The following CARD14 variants were observed in gnomAD, a reference collection of about 807,000 sequenced individuals.
The protein encoded by CARD14 is caspase recruitment domain family member 14.
CARD14 carries 107 observed loss-of-function variants against 111.5 expected under a neutral mutation model. The ratio of observed to expected loss-of-function variants is 0.96; its 90% CI spans 0.82 to 1.13. The LOEUF (loss-of-function observed/expected upper bound fraction) is 1.13. Ranked by LOEUF, CARD14 falls within the 50% of genes most tolerant of loss-of-function variation. The pLI is 0.00. For missense variants in CARD14, 1,322 were observed against 1,362.3 expected, an observed-to-expected ratio of 0.97 and a Z score of 0.47; for synonymous variants, 617 against 579.6, an observed-to-expected ratio of 1.06 and a Z score of -0.93.
At chr17:80,199,852 G>A (rs895085201) in intron 16 of CARD14, among the ~76,000 whole-genome samples, 5 of 152,036 alleles carry the variant, frequency 3.3e-5, no homozygotes, top group Non-Finnish European at 7.4e-5. Context: ...CTCCAGCCTG[G>A]GTGACAGAGT....
rs766589067 is a variant in CARD14, at chr17:80,192,456, C to T, written c.1240-47C>T. The T allele has an allele frequency of 3.0e-5, 45 of 1,492,418 alleles. No homozygotes were observed. The Admixed American group carries it at 5.8e-4, about 19-fold the overall frequency. 92.4% of individuals were successfully genotyped at this position (1,492,418 alleles called of 1,614,324 possible). On this transcript the variant is annotated intron_variant, in intron 11 of 23. Transcript: ENST00000648509. ...GGTAGAAACTCCACGGGCCTCAAAGCGGAACCTTTCCCGAATTAACCAGCC... is the reference window on the plus strand; with the variant it reads ...GGTAGAAACTCCACGGGCCTCAAAGTGGAACCTTTCCCGAATTAACCAGCC...
intron 5 of CARD14, among the ~76,000 whole-genome samples, 193 bp downstream of exon 5, chr17:80,181,842 T>G (rs1322629906): frequency 1.3e-5 from 2 of 152,178 alleles, no homozygotes; most frequent in Non-Finnish European, 2.9e-5. Context: ...GCAAAGGCCC[T>G]TTTCCCAAAA....
At chr17:80,173,821 A>G (rs1343474207) in intron 2 of CARD14, among the ~76,000 whole-genome samples, 3 of 151,840 alleles carry the variant, frequency 2.0e-5, no homozygotes, top group African/African-American at 4.8e-5. Flanking sequence ...CTGGTCTCGA[A>G]CTCCTGACCT....
intron 12 of CARD14, 28 bp downstream of exon 12, chr17:80,192,647 C>T: frequency 1.9e-6 from 3 of 1,558,352 alleles, no homozygotes; most frequent in Non-Finnish European, 2.6e-6. Context: ...GCCTCCCTCA[C>T]TGCCTTGACC....
At position 80,183,716 on chromosome 17, in the gene CARD14, G is replaced by A. The variant is rs2040244677; in HGVS notation, c.350-197G>A. On this transcript the variant is annotated intron_variant, in intron 6 of 23. Transcript: ENST00000648509. ...TGCCTCGGCCCACCGGCCCATCTGTGCACCTGCACACCTGCCCACATGCCC... is the reference window on the plus strand; with the variant it reads ...TGCCTCGGCCCACCGGCCCATCTGTACACCTGCACACCTGCCCACATGCCC... Among the ~76,000 whole-genome samples, 2 of 152,064 alleles carry A rather than the reference G, an allele frequency of 1.3e-5. 1 individual carries two copies. The highest frequency in any genetic ancestry group is 4.1e-4 in the South Asian group (2 of 4,828).
intron 4 of CARD14, among the ~76,000 whole-genome samples, chr17:80,181,197 G>T (rs1249609725): frequency 6.6e-6 from 1 of 152,170 alleles, no homozygotes; most frequent in African/African-American, 2.4e-5. Context: ...GGTAGAGCAG[G>T]TGGGGCCGTG....
In CARD14 at chr17:80,171,958, C is replaced by G. The variant is rs149651041; in HGVS notation, c.-689-948C>G. 1.1e-4 allele frequency among the ~76,000 whole-genome samples: 17 copies of G among 152,298 alleles called. No homozygotes were observed. In the East Asian group the frequency reaches 3.3e-3, roughly 29 times the overall value. Reference sequence around the variant, plus strand: ...CTGGACCCAGCCCCAGGAAGGCACCCGAGAAACCTGTAGTCCTCGGCTGAC... The same window carrying G: ...CTGGACCCAGCCCCAGGAAGGCACCGGAGAAACCTGTAGTCCTCGGCTGAC... On this transcript the variant is annotated intron_variant, in intron 1 of 23. Coordinates refer to ENST00000648509, the MANE Select transcript of CARD14 (RefSeq NM_001366385.1).
At position 80,189,469 on chromosome 17, in the gene CARD14, C is replaced by T. The variant is rs1489491026; in HGVS notation, c.844-284C>T. 6.6e-6 allele frequency among the ~76,000 whole-genome samples: 1 copy of T among 152,138 alleles called. No individual in the cohort carries two copies. The highest frequency in any genetic ancestry group is 1.5e-5 in the Non-Finnish European group (1 of 68,030). ...GGTTTCTCCCTCGCTGTGAAACTGC[C>T]GGTAGATCTGTTGAAGGAGAAGGCT... On this transcript the variant is annotated intron_variant, in intron 8 of 23. Coordinates refer to ENST00000648509, the MANE Select transcript of CARD14 (RefSeq NM_001366385.1). This position sits in a 1 kb window ranked among gnomAD's most constrained non-coding sequence, Gnocchi z 4.7.
intron 4 of CARD14, among the ~76,000 whole-genome samples, chr17:80,180,444 C>T (rs746322002): frequency 2.6e-5 from 4 of 152,206 alleles, no homozygotes; most frequent in African/African-American, 4.8e-5. Context: ...GTGTCTTCTG[C>T]GAGGCACTTG....
chr17:80,197,543 A>AAAAAAGAAAG (rs1555614391), intron 14 of CARD14: 2 of 143,990 alleles, frequency 1.4e-5, no homozygotes, highest in Admixed American at 6.8e-5. Context: ...AAAAAAAAAA[A>AAAAAAGAAAG]AAAGAAAGAA....
Position 80,192,634 on chromosome 17 carries a change from C to G in CARD14, c.1356+15C>G, listed in dbSNP as rs771496026. 7 of 1,592,826 alleles carry G rather than the reference C, an allele frequency of 4.4e-6. No homozygotes were observed. The highest frequency in any genetic ancestry group is 4.5e-5 in the East Asian group (2 of 44,678). On this transcript the variant is annotated intron_variant, in intron 12 of 23. Transcript: ENST00000648509. The stretch of plus-strand genomic sequence containing the variant: ...GCTCCACAGAGGTACGGCCGCTCCT[C>G]CCGCCTCCCTCACTGCCTTGACCCT...
chr17:80,199,740 A>T (rs1386331318), intron 16 of CARD14, among the ~76,000 whole-genome samples: 1 of 147,100 alleles, frequency 6.8e-6, no homozygotes, highest in Non-Finnish European at 1.5e-5. Flanking sequence ...AAAAAAAAAA[A>T]TAGCTGGTAT....
chr17:80,173,321 C>T (rs2039949963), intron 2 of CARD14, 93 bp downstream of exon 2: 3 of 79,314 alleles, frequency 3.8e-5, no homozygotes, highest in African/African-American at 1.3e-4. Context: ...CACACACACA[C>T]ACACGCGCGC....
rs754322294 is a variant in CARD14 at position 80,191,352 on chromosome 17, G to C, written c.1119G>C (p.Arg373Ser). ...QAYSARDSAQ[R>S]EISQSLVEKD... ...ACTCCGCGAGGGACAGTGCTCAGAG[G>C]GAGATTTCCCAGAGCCTGGTGGAGA... The change falls in exon 11 of 24, where the codon AGG becomes AGC. Residue 373 changes from arginine (R) to serine (S), a missense_variant. Physicochemically the swap from Arg to Ser is moderately radical, Grantham distance 110. Transcript: ENST00000648509. The C allele has an allele frequency of 4.3e-6, 7 of 1,613,948 alleles. No individual in the cohort carries two copies. The highest frequency in any genetic ancestry group is 5.9e-6 in the Non-Finnish European group (7 of 1,179,966).
Position 80,208,452 on chromosome 17 carries a change from T to G in CARD14, c.*107T>G. 2 of 1,054,774 alleles carry G rather than the reference T, an allele frequency of 1.9e-6. No homozygotes were observed. Among genetic ancestry groups the G allele is most frequent in the South Asian group, 1.8e-5 (1 of 56,818 alleles). 65.3% of individuals were successfully genotyped at this position (1,054,774 alleles called of 1,614,324 possible). A position where few individuals can be genotyped will look rare whatever the true frequency, so the allele number is the denominator to read the frequency against. On this transcript the variant is annotated 3_prime_UTR_variant, in exon 24 of 24. Transcript: ENST00000648509. ...GCACAGCTGTGGGCTCCTTGGCACA[T>G]GAGGCCGGCTCTCCCCACTGGCTGG...
intron 2 of CARD14, among the ~76,000 whole-genome samples, chr17:80,176,075 C>G (rs2040019948): frequency 6.9e-6 from 1 of 144,402 alleles, no homozygotes; most frequent in Non-Finnish European, 1.5e-5. Flanking sequence ...TTCCAAATTA[C>G]AGGCATGAGC....
rs763818218 is a variant in CARD14, at chr17:80,208,602, G to A, written c.*257G>A. ...TGGCATGGTCTGAACTGGAAACCCT[G>A]AGAATGTTTCTGCAGTGGGACAGGA... is the stretch of plus-strand genomic sequence containing the variant. On this transcript the variant is annotated 3_prime_UTR_variant, in exon 24 of 24. Transcript: ENST00000648509. 5 of 421,348 alleles carry A rather than the reference G, an allele frequency of 1.2e-5. No homozygotes were observed. Among genetic ancestry groups the A allele is most frequent in the Non-Finnish European group, 1.7e-5 (4 of 238,550 alleles). The allele number at this position is 421,348 out of a possible 1,614,324, so 26.1% of individuals were successfully genotyped here.
chr17:80,186,388 C>T (rs1481468162), intron 7 of CARD14, among the ~76,000 whole-genome samples: 2 of 152,204 alleles, frequency 1.3e-5, no homozygotes, highest in Admixed American at 6.5e-5. Context: ...ACCAATGGAA[C>T]CCTTCAACCA....
At chr17:80,175,260 G>A (rs962743639) in intron 2 of CARD14, among the ~76,000 whole-genome samples, 4 of 152,100 alleles carry the variant, frequency 2.6e-5, no homozygotes, top group Non-Finnish European at 5.9e-5. Context: ...TTGCAGGTGT[G>A]AGCCACCATG....
Sources: gnomAD v4.1 joint callset for allele counts (sites outside exome capture counted in the v4.1 genomes callset) on GRCh38, gnomAD v4.1.1 for gene constraint, Gnocchi (gnomAD v3.1) non-coding constraint, MANE v1.5 for transcripts, NCBI Gene and HGNC (gene_info 2026-07-23, HGNC 2026-07-21) for gene names.